IQSEC1: variants seen among roughly 807,000 people sequenced by gnomAD.
IQSEC1 encodes the protein IQ motif and SEC7 domain-containing protein 1.
In IQSEC1, 31 loss-of-function variants were observed where a neutral mutation model predicts 91.0. The observed-to-expected ratio is 0.34, with a 90% CI of 0.26 to 0.46. IQSEC1 has a LOEUF of 0.46. IQSEC1 is among the 20% of genes least tolerant of loss of function. IQSEC1 has a pLI of 1.00. For synonymous variants in IQSEC1, 699 were observed against 662.6 expected (o/e 1.05, Z -0.84); for missense variants, 1,388 against 1,575.6 (o/e 0.88, Z 2.02).
Position 12,901,476 on chromosome 3 carries a change from G to A in IQSEC1, c.2852C>T (p.Thr951Ile), listed in dbSNP as rs1452765736. The A allele has an allele frequency of 6.5e-7, 1 of 1,549,758 alleles. No homozygotes were observed. The highest frequency in any genetic ancestry group is 8.7e-7 in the Non-Finnish European group (1 of 1,146,846). ...GTGTGGGCGAGATGGACACTCTCGT[G>A]TTGATGTAGCTCTCCGGCGCATGTG... ...SPHMRRRATS[T>I]RECPSRPHQT... Residue 951 changes from threonine to isoleucine, a missense_variant, in exon 14 of 14, where the codon ACA (threonine) becomes ATA (isoleucine). Physicochemically the swap from Thr to Ile is moderately conservative, Grantham distance 89. Coordinates refer to ENST00000613206, the MANE Select transcript of IQSEC1 (RefSeq NM_001134382.3).
At chr3:12,903,269 C>G (rs903511084) in intron 12 of IQSEC1, among the ~76,000 whole-genome samples, 3 of 152,170 alleles carry the variant, frequency 2.0e-5, no homozygotes, top group Non-Finnish European at 2.9e-5. Flanking sequence ...TCAGTGATTG[C>G]CATATATATG....
rs1701564490 is a variant in IQSEC1, at chr3:12,983,395, G to C, written c.24-41530C>G. Among the ~76,000 whole-genome samples, 1 of 152,196 alleles carries C rather than the reference G, an allele frequency of 6.6e-6. No individual in the cohort carries two copies. Among genetic ancestry groups the C allele is most frequent in the Non-Finnish European group, 1.5e-5 (1 of 68,024 alleles). On this transcript the variant is annotated intron_variant, in intron 1 of 13. Transcript: ENST00000613206. The surrounding 1 kb of genome is among the most constrained non-coding windows in gnomAD (Gnocchi z 4.3). Reference sequence around the variant, plus strand: ...GCTTGGGGGCGGGTGAGGAGCAGGAGGAAGCATGGCTCACTCCTGGCCTGA... The same window carrying C: ...GCTTGGGGGCGGGTGAGGAGCAGGACGAAGCATGGCTCACTCCTGGCCTGA...
chr3:13,183,796 T>C (rs1259998799), intron 1 of IQSEC1, among the ~76,000 whole-genome samples: 1 of 152,112 alleles, frequency 6.6e-6, no homozygotes, highest in Admixed American at 6.5e-5. Flanking sequence ...CTGCAGGCTA[T>C]AGTTTGCTGA....
intron 1 of IQSEC1, among the ~76,000 whole-genome samples, chr3:13,172,857 T>G (rs975307205): frequency 2.0e-5 from 3 of 152,144 alleles, no homozygotes; most frequent in South Asian, 2.1e-4. Flanking sequence ...CCTTCACATC[T>G]GGGCCTCAGT....
In IQSEC1 at chr3:13,263,395, G is replaced by C. The variant is rs921979148; in HGVS notation, c.272+19316C>G. The stretch of plus-strand genomic sequence containing the variant: ...AAGATAAAATACACAACCCTCCTTT[G>C]GGGGGAAAAAAGTACCTGACACTTT... On this transcript the variant is annotated intron_variant, in intron 1 of 15. Transcript: ENST00000648114. Among the ~76,000 whole-genome samples, 3 of 140,858 alleles carry C rather than the reference G, an allele frequency of 2.1e-5. No homozygotes were observed. The South Asian group carries it at 6.9e-4, about 32-fold the overall frequency. The allele number at this position is 140,858 out of a possible 152,430, so 92.4% of individuals were successfully genotyped here.
chr3:13,108,146 G>A (rs1428104861), intron 2 of IQSEC1, among the ~76,000 whole-genome samples: 6 of 152,234 alleles, frequency 3.9e-5, no homozygotes, highest in African/African-American at 1.4e-4. Context: ...CCACGCTATA[G>A]AGTTTTTAGC....
intron 1 of IQSEC1, among the ~76,000 whole-genome samples, chr3:13,178,996 C>T (rs114649282): frequency 2.2e-4 from 34 of 152,298 alleles, no homozygotes; most frequent in South Asian, 1.2e-3. Flanking sequence ...AGATGCAGGA[C>T]CCCTTATTCA....
chr3:12,960,843 CCTTCCT>C (rs1453940502), intron 1 of IQSEC1, among the ~76,000 whole-genome samples: 5 of 152,232 alleles, frequency 3.3e-5, no homozygotes, highest in African/African-American at 4.8e-5. Context: ...CTCCCCTTCC[CCTTCCT>C]GCCGGCACGC....
intron 1 of IQSEC1, among the ~76,000 whole-genome samples, chr3:12,996,418 C>T (rs369591918): frequency 5.3e-4 from 81 of 152,296 alleles, no homozygotes; most frequent in African/African-American, 1.8e-3. Context: ...CTAAAAATTC[C>T]CACCCTGCCT....
intron 5 of IQSEC1, among the ~76,000 whole-genome samples, chr3:12,921,054 A>G (rs1696586230): frequency 6.6e-6 from 1 of 152,094 alleles, no homozygotes; most frequent in Non-Finnish European, 1.5e-5. Context: ...TGTCTCAGCC[A>G]TGGCTACTGA....
chr3:13,054,984 G>A lies in IQSEC1; in HGVS notation c.23+18008C>T, dbSNP rs191745832. On this transcript the variant is annotated intron_variant, in intron 1 of 13. Transcript: ENST00000613206. ...GGCCTGAGGGGCTGCTACACTGGCT[G>A]ACGCCCGCCTGTCCTGCCCAGGCCT... 2.6e-5 allele frequency among the ~76,000 whole-genome samples: 4 copies of A among 152,386 alleles called. No individual in the cohort carries two copies. In the East Asian group the frequency reaches 7.7e-4, roughly 29 times the overall value.
intron 1 of IQSEC1, among the ~76,000 whole-genome samples, chr3:13,012,507 T>C (rs954584259): frequency 2.2e-4 from 33 of 152,190 alleles, no homozygotes; most frequent in African/African-American, 7.7e-4. Context: ...CAGAGCACTG[T>C]GAACATCCCC....
intron 1 of IQSEC1, among the ~76,000 whole-genome samples, chr3:13,024,371 C>A (rs374598379): frequency 7.0e-6 from 1 of 141,952 alleles, no homozygotes; most frequent in Admixed American, 6.9e-5. Context: ...CCATCCATCA[C>A]TCCATCCATC....
upstream of IQSEC1, among the ~76,000 whole-genome samples, chr3:13,073,509 C>G (rs1055733390): frequency 6.6e-6 from 1 of 152,126 alleles, no homozygotes; most frequent in African/African-American, 2.4e-5. Flanking sequence ...CCGGACCAAT[C>G]GCCGAGGCGC....
intron 1 of IQSEC1, among the ~76,000 whole-genome samples, chr3:13,239,049 G>A (rs1257947714): frequency 6.6e-6 from 1 of 152,232 alleles, no homozygotes; most frequent in East Asian, 1.9e-4. Flanking sequence ...GTTCCCCGAG[G>A]ATGCCCCCTG....
At chr3:13,205,183 T>A (rs1042536636) in intron 1 of IQSEC1, among the ~76,000 whole-genome samples, 1 of 151,932 alleles carries the variant, frequency 6.6e-6, no homozygotes, top group Admixed American at 6.5e-5. Context: ...CCAGCGCACA[T>A]CTCCCACCCC....
chr3:13,202,388 G>C (rs1694260880), intron 1 of IQSEC1, among the ~76,000 whole-genome samples: 1 of 152,354 alleles, frequency 6.6e-6, no homozygotes, highest in African/African-American at 2.4e-5. Context: ...AACAGCTACA[G>C]TGTGGAAGCA....
chr3:13,271,053 A>G (rs114431630), intron 1 of IQSEC1, among the ~76,000 whole-genome samples: 135 of 152,356 alleles, frequency 8.9e-4, no homozygotes, highest in African/African-American at 3.0e-3. Context: ...AGGACATTTC[A>G]TAATGATAAA....
At chr3:12,953,505 T>C (rs1247038211) in intron 1 of IQSEC1, among the ~76,000 whole-genome samples, 1 of 152,052 alleles carries the variant, frequency 6.6e-6, no homozygotes, top group Non-Finnish European at 1.5e-5. Flanking sequence ...TATAGAAAAA[T>C]ATAGGACTCG....
Sources: gnomAD v4.1 joint callset for allele counts (sites outside exome capture counted in the v4.1 genomes callset) on GRCh38, gnomAD v4.1.1 for gene constraint, Gnocchi (gnomAD v3.1) non-coding constraint, MANE v1.5 for transcripts, NCBI Gene and HGNC (gene_info 2026-07-23, HGNC 2026-07-21) for gene names.